Variants in DBI observed in about 807,000 individuals in gnomAD.
DBI encodes acyl-CoA-binding protein.
A neutral mutation model predicts 13.0 loss-of-function variants in DBI; 12 were observed. The observed-to-expected ratio is 0.92, with a 90% CI of 0.59 to 1.49. DBI has a LOEUF of 1.49. Ranked by LOEUF, DBI falls within the 40% of genes most tolerant of loss-of-function variation. DBI has a pLI of 0.00. For missense variants in DBI, 95 were observed against 104.8 expected (o/e 0.91, Z 0.41); for synonymous variants, 37 against 37.4 (o/e 0.99, Z 0.04).
intron 2 of DBI, among the ~76,000 whole-genome samples, chr2:119,369,676 C>T (rs1173841033): frequency 6.6e-6 from 1 of 152,106 alleles, no homozygotes; most frequent in Non-Finnish European, 1.5e-5. Flanking sequence ...GTCCCAGCTA[C>T]TTGGGAGGCT....
intron 1 of DBI, chr2:119,367,436 C>G (rs1008029225): frequency 3.2e-6 from 5 of 1,538,950 alleles, no homozygotes; most frequent in Non-Finnish European, 4.4e-6. Context: ...AGTGGGGAAG[C>G]GAGGAGTCCG....
intron 3 of DBI, among the ~76,000 whole-genome samples, chr2:119,371,383 T>C (rs1249680414): frequency 6.6e-6 from 1 of 152,212 alleles, no homozygotes; most frequent in Non-Finnish European, 1.5e-5. Flanking sequence ...CTGGCAGCAT[T>C]AGTGTTCCTG....
intron 1 of DBI, chr2:119,367,433 A>G (rs754807006): frequency 6.5e-7 from 1 of 1,534,296 alleles, no homozygotes; most frequent in Non-Finnish European, 8.8e-7. Context: ...CGGAGTGGGG[A>G]AGCGAGGAGT....
intron 1 of DBI, chr2:119,367,692 G>T (rs1164802131): frequency 1.2e-6 from 2 of 1,612,076 alleles, no homozygotes; most frequent in South Asian, 1.1e-5. Context: ...GGACCAACGG[G>T]CTCCGGCGCT....
chr2:119,367,245 A>G, intron 1 of DBI, 185 bp downstream of exon 1: 2 of 1,438,128 alleles, frequency 1.4e-6, no homozygotes, highest in Non-Finnish European at 1.8e-6. Flanking sequence ...GGGGATTTCT[A>G]AATCTGCTGC....
chr2:119,369,080 C>A (rs1681320058), intron 2 of DBI, among the ~76,000 whole-genome samples: 1 of 152,154 alleles, frequency 6.6e-6, no homozygotes, highest in South Asian at 2.1e-4. Context: ...CAGCTGGAAG[C>A]AGGAAATAGT....
intron 1 of DBI, chr2:119,367,286 G>T: frequency 7.0e-7 from 1 of 1,437,240 alleles, no homozygotes; most frequent in East Asian, 2.5e-5. Flanking sequence ...AGTTGCCCAT[G>T]GGGTGGACTT....
rs557209507 is a variant in DBI at position 119,371,811 on chromosome 2, C to A, written c.191-434C>A. 4.6e-5 allele frequency among the ~76,000 whole-genome samples: 7 copies of A among 152,304 alleles called. No individual in the cohort carries two copies. The East Asian group carries it at 1.3e-3, about 29-fold the overall frequency. On this transcript the variant is annotated intron_variant, in intron 3 of 3. Transcript: ENST00000355857. The stretch of plus-strand genomic sequence containing the variant: ...GGTGCCTGGCTTTGCTTTTTCACTG[C>A]CAGCTTAACAGCTCTGGAAGATAGG...
rs373223217 is a variant in DBI at position 119,368,234 on chromosome 2, A to C, written c.56A>C (p.Lys19Thr). The C allele has an allele frequency of 6.2e-6, 10 of 1,613,910 alleles. No individual in the cohort carries two copies. The African/African-American group carries it at 1.1e-4, about 17-fold the overall frequency. Residue 19 changes from lysine to threonine, a missense_variant, in exon 2 of 4, where the codon AAG becomes ACG. Coordinates refer to ENST00000355857, the MANE Select transcript of DBI (RefSeq NM_001079862.4). ...AAEEVRHLKTKPSDEEMLFIY... is the reference protein window; with the variant it reads ...AAEEVRHLKTTPSDEEMLFIY... The stretch of plus-strand genomic sequence containing the variant: ...GAGGAGGTTAGGCACCTTAAGACCA[A>C]GCCATCGGATGAGGAGATGCTGTTC...
chr2:119,370,424 T>G, intron 2 of DBI: 1 of 169,766 alleles, frequency 5.9e-6, no homozygotes, highest in Admixed American at 6.8e-5. Context: ...TTTTAAGACA[T>G]ATGAATGGAT....
chr2:119,367,387 A>C, intron 1 of DBI: 1 of 1,465,798 alleles, frequency 6.8e-7, no homozygotes, highest in Non-Finnish European at 9.0e-7. Context: ...GAGGAGACTC[A>C]GTCCCCATCC....
intron 1 of DBI, chr2:119,367,722 C>T (rs1461528649): frequency 1.2e-6 from 2 of 1,609,686 alleles, no homozygotes; most frequent in Admixed American, 1.7e-5. Flanking sequence ...GCACTCATGC[C>T]CTGTCCCCTT....
At chr2:119,368,533 G>A in intron 2 of DBI, 1 of 505,738 alleles carries the variant, frequency 2.0e-6, no homozygotes, top group South Asian at 2.3e-5. Flanking sequence ...GTTATCACCA[G>A]CAGCTACTCT....
At chr2:119,371,335 C>T (rs72831297) in intron 3 of DBI, among the ~76,000 whole-genome samples, 186 of 152,364 alleles carry the variant, frequency 1.2e-3, no homozygotes, top group Admixed American at 6.1e-3. Context: ...TCACGTGCCA[C>T]CTGCAGCAGC....
chr2:119,367,916 C>T (rs1207811394), intron 1 of DBI: 3 of 1,614,128 alleles, frequency 1.9e-6, no homozygotes, highest in Non-Finnish European at 2.5e-6. Context: ...TATTTCCAGA[C>T]CTGATGCCTG....
Position 119,368,258 on chromosome 2 carries a change from T to C in DBI, c.80T>C (p.Phe27Ser). The part of the protein sequence containing the change: ...KTKPSDEEML[F>S]IYGHYKQATV... Reference sequence around the variant, plus strand: ...AAGCCATCGGATGAGGAGATGCTGTTCATCTATGGCCACTACAAACAAGCA... The same window carrying C: ...AAGCCATCGGATGAGGAGATGCTGTCCATCTATGGCCACTACAAACAAGCA... Residue 27 changes from phenylalanine (F) to serine (S), a missense_variant, in exon 2 of 4, where the codon TTC (phenylalanine) becomes TCC (serine). Physicochemically the swap from Phe to Ser is radical, Grantham distance 155 (BLOSUM62 -2). Coordinates refer to ENST00000355857, the MANE Select transcript of DBI (RefSeq NM_001079862.4). 1 of 1,614,130 alleles carries C rather than the reference T, an allele frequency of 6.2e-7. No homozygotes were observed. Among genetic ancestry groups the C allele is most frequent in the Non-Finnish European group, 8.5e-7 (1 of 1,180,012 alleles).
chr2:119,367,946 T>C, intron 1 of DBI: 1 of 1,614,182 alleles, frequency 6.2e-7, no homozygotes, highest in South Asian at 1.1e-5. Context: ...GAGCTCTGGA[T>C]ATATGGTTTT....
At chr2:119,367,157 C>A in intron 1 of DBI, 97 bp downstream of exon 1, 1 of 1,567,686 alleles carries the variant, frequency 6.4e-7, no homozygotes, top group Non-Finnish European at 8.6e-7. Context: ...TCTTTCCTTC[C>A]GTGCCCCTCA....
chr2:119,367,794 G>T, intron 1 of DBI: 1 of 1,610,906 alleles, frequency 6.2e-7, no homozygotes, highest in Non-Finnish European at 8.5e-7. Context: ...CTGCAGCCCC[G>T]GCCACTCCCT....
Sources: allele counts gnomAD v4.1 joint callset (sites outside exome capture counted in the v4.1 genomes callset), GRCh38; gene constraint gnomAD v4.1.1; transcripts MANE v1.5; gene names NCBI Gene and HGNC (gene_info 2026-07-23, HGNC 2026-07-21).